KIF14: variants seen among roughly 807,000 people sequenced by gnomAD.
The protein encoded by KIF14 is kinesin-like protein KIF14.
A neutral mutation model predicts 176.2 loss-of-function variants in KIF14; 98 were observed. The observed-to-expected ratio is 0.56, with a 90% CI of 0.47 to 0.66. The LOEUF (loss-of-function observed/expected upper bound fraction) is 0.66. KIF14 is among the 30% of genes least tolerant of loss of function. KIF14 has a pLI of 0.00. For synonymous variants in KIF14, 566 were observed against 632.2 expected (o/e 0.90, Z 1.57); for missense variants, 1,751 against 1,920.4 (o/e 0.91, Z 1.65).
intron 4 of KIF14, among the ~76,000 whole-genome samples, chr1:200,613,492 C>T (rs1256553397): frequency 6.6e-6 from 1 of 152,162 alleles, no homozygotes; most frequent in South Asian, 2.1e-4. Context: ...TTGTACTTGG[C>T]TGTTAACTTA....
Position 200,581,244 on chromosome 1 carries a change from T to G in KIF14, c.3292A>C (p.Asn1098His). 1 of 1,605,468 alleles carries G rather than the reference T, an allele frequency of 6.2e-7. No individual in the cohort carries two copies. The highest frequency in any genetic ancestry group is 8.5e-7 in the Non-Finnish European group (1 of 1,176,606). ...GTTTTCAATTTGCTGCTGATAGCATTGGCTTCCTGAATCATCATTGAGAGT... is the reference window on the plus strand; with the variant it reads ...GTTTTCAATTTGCTGCTGATAGCATGGGCTTCCTGAATCATCATTGAGAGT... The part of the protein sequence containing the change: ...MKLSMMIQEA[N>H]AISSKLKTYY... The change falls in exon 20 of 30, where the codon AAT becomes CAT. Residue 1098 changes from asparagine (N) to histidine (H), a missense_variant. Transcript: ENST00000367350.
At chr1:200,570,271 A>ATGG (rs1354511343) in intron 22 of KIF14, among the ~76,000 whole-genome samples, 1 of 152,236 alleles carries the variant, frequency 6.6e-6, no homozygotes, top group Non-Finnish European at 1.5e-5. Flanking sequence ...TGTGGCAAAC[A>ATGG]TGGTTTCTGG....
At chr1:200,560,571 C>G in intron 26 of KIF14, 151 bp downstream of exon 26, 2 of 842,564 alleles carry the variant, frequency 2.4e-6, no homozygotes, top group Non-Finnish European at 3.6e-6. Context: ...CACACCCGGC[C>G]CAAACAGTTT....
chr1:200,608,268 A>G (rs977745522), intron 5 of KIF14, among the ~76,000 whole-genome samples: 4 of 152,124 alleles, frequency 2.6e-5, no homozygotes, highest in African/African-American at 7.2e-5. Context: ...CTCAGAACAA[A>G]TATTTTATCT....
chr1:200,565,100 T>C lies in KIF14; in HGVS notation c.4040A>G (p.Lys1347Arg), dbSNP rs918633661. The C allele has an allele frequency of 6.2e-7, 1 of 1,611,332 alleles. No homozygotes were observed. The highest frequency in any genetic ancestry group is 1.3e-5 in the African/African-American group (1 of 74,902). Residue 1347 changes from lysine to arginine, a missense_variant, in exon 25 of 30, where the codon AAA becomes AGA. By Grantham distance (26) the Lys-to-Arg change is conservative. Transcript: ENST00000367350. Reference protein sequence around the residue: ...LEDELRQEVKKLGGYLQLFLQ... With the variant: ...LEDELRQEVKRLGGYLQLFLQ... ...AAATAACTGTAAGTAGCCTCCCAGT[T>C]TTTTAACTTCTTGTCTCAACTCATC...
intron 19 of KIF14, among the ~76,000 whole-genome samples, chr1:200,584,399 A>T (rs1658628827): frequency 6.6e-6 from 1 of 152,144 alleles, no homozygotes; most frequent in Non-Finnish European, 1.5e-5. Flanking sequence ...CAAAGACACT[A>T]CAAGAAAAGA....
chr1:200,603,318 G>C lies in KIF14; in HGVS notation c.1887C>G (p.Ser629=). 6.2e-7 allele frequency: 1 copy of C among 1,604,780 alleles called. No individual in the cohort carries two copies. Among genetic ancestry groups the C allele is most frequent in the Non-Finnish European group, 8.5e-7 (1 of 1,173,464 alleles). ...ATATAACTTTTCCCAAAGTTAGCAA[G>C]GACTTATTAATACTCACACCTTCCT... The part of the protein sequence containing the change: ...RLKEGVSINK[S]LLTLGKVISA... The change falls in exon 10 of 30, where the codon TCC becomes TCG. Residue 629 remains serine (S), a synonymous_variant. Coordinates refer to ENST00000367350, the MANE Select transcript of KIF14 (RefSeq NM_014875.3).
Position 200,565,457 on chromosome 1 carries a change from TTTCTTCATCTTG to T in KIF14, c.3862_3873del (p.Gln1288_Glu1291del). 6.3e-7 allele frequency: 1 copy of T among 1,588,610 alleles called. No homozygotes were observed. The highest frequency in any genetic ancestry group is 8.5e-7 in the Non-Finnish European group (1 of 1,171,756). ...TGAGATTGCTTACAGTTATCTTGAC[TTTCTTCATCTTG>T]TTCTTCATGAGCCTTGGAAATGGCA... On this transcript the variant is annotated inframe_deletion, in exon 24 of 30. Coordinates refer to ENST00000367350, the MANE Select transcript of KIF14 (RefSeq NM_014875.3).
chr1:200,607,948 C>T (rs1180576173), intron 5 of KIF14, among the ~76,000 whole-genome samples: 1 of 152,196 alleles, frequency 6.6e-6, no homozygotes, highest in Non-Finnish European at 1.5e-5. Flanking sequence ...ATCCACCTGC[C>T]TTGACCTCCC....
At chr1:200,569,822 T>G in intron 23 of KIF14, 89 bp downstream of exon 23, 1 of 659,500 alleles carries the variant, frequency 1.5e-6, no homozygotes, top group East Asian at 2.7e-5. Context: ...GGAAATGAAA[T>G]GATTTGCACA....
chr1:200,615,720 A>G (rs1660377521), intron 2 of KIF14, 111 bp from the exon 3 acceptor site: 3 of 948,230 alleles, frequency 3.2e-6, no homozygotes, highest in Admixed American at 2.8e-5. Context: ...CCAAGGCAAG[A>G]TAATTCTGTA....
intron 25 of KIF14, among the ~76,000 whole-genome samples, chr1:200,564,363 A>C (rs1210212575): frequency 6.6e-6 from 1 of 151,894 alleles, no homozygotes; most frequent in African/African-American, 2.4e-5. Context: ...GTGGGTCATG[A>C]AATCAGGGGC....
At chr1:200,600,206 C>T in intron 12 of KIF14, 93 bp from the exon 13 acceptor site, 1 of 1,179,172 alleles carries the variant, frequency 8.5e-7, no homozygotes, top group Non-Finnish European at 1.2e-6. Flanking sequence ...AGGCAACTAC[C>T]TAGTAATATT....
rs1431584810 is a variant in KIF14 at position 200,620,609 on chromosome 1, T to G, written c.-314A>C. The G allele has an allele frequency of 6.6e-6, 1 of 152,094 alleles. No individual in the cohort carries two copies. The highest frequency in any genetic ancestry group is 1.5e-5 in the Non-Finnish European group (1 of 68,196). The allele number at this position is 152,094 out of a possible 1,614,324, so 9.4% of individuals were successfully genotyped here. On this transcript the variant is annotated 5_prime_UTR_variant, in exon 1 of 30. Transcript: ENST00000367350. ...ACCCGCCCGCAGAGCAGTGGTCGCC[T>G]GTAGGGAAAGCGTCCGCACGCCCTC...
In KIF14 at chr1:200,559,266, G is replaced by A. The variant is rs1002026250; in HGVS notation, c.4353+64C>T. On this transcript the variant is annotated intron_variant, in intron 27 of 29. Coordinates refer to ENST00000367350, the MANE Select transcript of KIF14 (RefSeq NM_014875.3). ...TGAATTTATAGAAATCTAATTTGTT[G>A]ACTGAAAAAATCAACTTTATATATT... The A allele has an allele frequency of 4.5e-5, 46 of 1,025,344 alleles. No homozygotes were observed. The African/African-American group carries it at 6.7e-4, about 15-fold the overall frequency. The allele number at this position is 1,025,344 out of a possible 1,614,324, so 63.5% of individuals were successfully genotyped here. A position where few individuals can be genotyped will look rare whatever the true frequency, so the allele number is the denominator to read the frequency against.
In KIF14 at chr1:200,605,863, C is replaced by T; in HGVS notation, c.1638+1G>A. 6.6e-7 allele frequency: 1 copy of T among 1,519,844 alleles called. No homozygotes were observed. Among genetic ancestry groups the T allele is most frequent in the Non-Finnish European group, 8.9e-7 (1 of 1,127,474 alleles). 94.1% of individuals were successfully genotyped at this position (1,519,844 alleles called of 1,614,324 possible). On this transcript the variant is annotated splice_donor_variant, in intron 7 of 29. Transcript: ENST00000367350. LOFTEE classifies it high-confidence loss of function. ...TGAAAAGAAAACAAAATCAATCTTA[C>T]CTGGATATCAGCGTAAGAACTGACA...
intron 23 of KIF14, among the ~76,000 whole-genome samples, chr1:200,566,142 C>A (rs1657433867): frequency 6.6e-6 from 1 of 152,136 alleles, no homozygotes; most frequent in African/African-American, 2.4e-5. Flanking sequence ...GATCAATTAA[C>A]CTCTCAACCG....
intron 4 of KIF14, among the ~76,000 whole-genome samples, chr1:200,610,509 CAAAA>C (rs35647787): frequency 7.4e-5 from 8 of 107,818 alleles, no homozygotes; most frequent in Admixed American, 1.9e-4. Flanking sequence ...GACTTCCTCT[CAAAA>C]AAAAAAAAAA....
At chr1:200,615,752 T>C (rs1385910721) in intron 2 of KIF14, 143 bp from the exon 3 acceptor site, 2 of 734,034 alleles carry the variant, frequency 2.7e-6, no homozygotes, top group African/African-American at 1.8e-5. Context: ...AAAATGCAGA[T>C]AAGCAAACAT....
Sources: allele counts gnomAD v4.1 joint callset (sites outside exome capture counted in the v4.1 genomes callset), GRCh38; gene constraint gnomAD v4.1.1; transcripts MANE v1.5; gene names NCBI Gene and HGNC (gene_info 2026-07-23, HGNC 2026-07-21).